Variants in UHRF2 observed in about 807,000 individuals in gnomAD.
UHRF2 encodes the protein E3 ubiquitin-protein ligase UHRF2.
Under a neutral mutation model 96.8 loss-of-function variants are expected in UHRF2, and 23 were observed. The ratio of observed to expected loss-of-function variants is 0.24; its 90% CI spans 0.17 to 0.34. The LOEUF (loss-of-function observed/expected upper bound fraction) is 0.34, where lower values mean the gene tolerates loss of function less well. Ranked by LOEUF, UHRF2 falls within the 10% of genes least tolerant of loss-of-function variation. The pLI is 1.00. For synonymous variants in UHRF2, 385 were observed against 332.6 expected (o/e 1.16, Z -1.72); for missense variants, 685 against 981.5 (o/e 0.70, Z 4.04).
rs776003127 is a variant in UHRF2 at position 6,413,447 on chromosome 9, C to T, written c.-44C>T. Reference sequence around the variant, plus strand: ...GCCGGGCGGGGCGCGGCGCCCAGAGCTCAGGGGGAGACAAAGGGGACCGGT... The same window carrying T: ...GCCGGGCGGGGCGCGGCGCCCAGAGTTCAGGGGGAGACAAAGGGGACCGGT... On this transcript the variant is annotated 5_prime_UTR_variant, in exon 1 of 16. Coordinates refer to ENST00000276893, the MANE Select transcript of UHRF2 (RefSeq NM_152896.3). The T allele has an allele frequency of 4.8e-6, 7 of 1,448,206 alleles. No homozygotes were observed. The highest frequency in any genetic ancestry group is 6.4e-6 in the Non-Finnish European group (7 of 1,086,460). The allele number at this position is 1,448,206 out of a possible 1,614,324, so 89.7% of individuals were successfully genotyped here.
intron 1 of UHRF2, among the ~76,000 whole-genome samples, chr9:6,417,061 TACAC>T (rs1298344830): frequency 6.6e-6 from 1 of 152,168 alleles, no homozygotes; most frequent in African/African-American, 2.4e-5. Flanking sequence ...ACATATATAA[TACAC>T]ACATATATAA....
chr9:6,421,168 G>A (rs1342442367), intron 2 of UHRF2, 26 bp downstream of exon 2: 2 of 1,497,404 alleles, frequency 1.3e-6, no homozygotes, highest in East Asian at 2.3e-5. Context: ...CAGACTTACT[G>A]TTGTGAGAAT....
intron 3 of UHRF2, among the ~76,000 whole-genome samples, chr9:6,448,489 T>TA (rs1821656722): frequency 6.6e-6 from 1 of 152,242 alleles, no homozygotes. Context: ...TCTCTGTTTT[T>TA]ATTACCGTCC....
At chr9:6,450,591 G>C (rs1027081403) in intron 3 of UHRF2, among the ~76,000 whole-genome samples, 1 of 152,102 alleles carries the variant, frequency 6.6e-6, no homozygotes, top group African/African-American at 2.4e-5. Flanking sequence ...CTCAAAATTT[G>C]TTACCAGCTT....
intron 3 of UHRF2, among the ~76,000 whole-genome samples, chr9:6,444,099 A>G (rs1821347731): frequency 1.3e-5 from 2 of 152,330 alleles, no homozygotes; most frequent in African/African-American, 2.4e-5. Flanking sequence ...AATAGTGTCA[A>G]ATGTAATTAT....
chr9:6,496,445 AT>A (rs1449640918), intron 10 of UHRF2: 1 of 152,168 alleles, frequency 6.6e-6, no homozygotes, highest in Non-Finnish European at 1.5e-5. Context: ...AAGCTCATTG[AT>A]TTACTACTAT....
chr9:6,494,133 T>G, intron 10 of UHRF2: 1 of 514,292 alleles, frequency 1.9e-6, no homozygotes, highest in East Asian at 3.1e-5. Context: ...TGCCATAATT[T>G]CTAGTCTTAC....
chr9:6,430,652 C>T (rs1175534533), intron 2 of UHRF2, among the ~76,000 whole-genome samples: 2 of 152,120 alleles, frequency 1.3e-5, no homozygotes, highest in African/African-American at 4.8e-5. Context: ...GCCCTGATCA[C>T]CCACAGCCAG....
chr9:6,444,197 G>A (rs1821354349), intron 3 of UHRF2, among the ~76,000 whole-genome samples: 1 of 152,172 alleles, frequency 6.6e-6, no homozygotes, highest in South Asian at 2.1e-4. Context: ...AGAATGAGTT[G>A]TTTAATTTCA....
chr9:6,417,111 A>C (rs1177503114), intron 1 of UHRF2, among the ~76,000 whole-genome samples: 2 of 152,214 alleles, frequency 1.3e-5, no homozygotes, highest in African/African-American at 2.4e-5. Flanking sequence ...TTTGCCCTTC[A>C]CTGGCATCCC....
At chr9:6,478,212 A>T (rs772378693) in intron 6 of UHRF2, among the ~76,000 whole-genome samples, 21 of 152,060 alleles carry the variant, frequency 1.4e-4, no homozygotes, top group Non-Finnish European at 2.8e-4. Context: ...ATATCTTTCA[A>T]CTCCTTAAGT....
chr9:6,430,182 G>A (rs1824537), intron 2 of UHRF2, among the ~76,000 whole-genome samples: 109,652 of 152,040 alleles, frequency 0.72, 41,256 homozygotes, highest in South Asian at 0.83. Context: ...GGCTAATTTT[G>A]TACTTTTAGT....
At chr9:6,476,046 C>A (rs1476957924) in intron 5 of UHRF2, among the ~76,000 whole-genome samples, 1 of 152,146 alleles carries the variant, frequency 6.6e-6, no homozygotes, top group Non-Finnish European at 1.5e-5. Context: ...ACTTCCCTTC[C>A]CAGACTCTGA....
At chr9:6,422,641 G>A in intron 2 of UHRF2, 1 of 646,388 alleles carries the variant, frequency 1.5e-6, no homozygotes, top group Non-Finnish European at 2.9e-6. Context: ...ACAGGGTCTG[G>A]CTCTGTCACC....
At chr9:6,476,881 C>G (rs1241683200) in intron 5 of UHRF2, among the ~76,000 whole-genome samples, 1 of 152,176 alleles carries the variant, frequency 6.6e-6, no homozygotes, top group Non-Finnish European at 1.5e-5. Context: ...GCATGAGCCA[C>G]CACGCCCGGC....
At chr9:6,497,917 A>T in intron 11 of UHRF2, 101 bp from the exon 12 acceptor site, 1 of 1,419,104 alleles carries the variant, frequency 7.0e-7, no homozygotes, top group Non-Finnish European at 9.6e-7. Context: ...GAATATTCAG[A>T]AGTTGCATTT....
At chr9:6,421,254 A>T (rs1819913119) in intron 2 of UHRF2, 112 bp downstream of exon 2, 1 of 808,700 alleles carries the variant, frequency 1.2e-6, no homozygotes, top group Non-Finnish European at 1.9e-6. Context: ...AAAGATTGGG[A>T]TGTTAATATC....
At position 6,477,659 on chromosome 9, in the gene UHRF2, C is replaced by T. The variant is rs751623894; in HGVS notation, c.1011C>T (p.Asp337=). 1.9e-6 allele frequency: 3 copies of T among 1,613,800 alleles called. No individual in the cohort carries two copies. The highest frequency in any genetic ancestry group is 2.2e-5 in the South Asian group (2 of 91,034). ...NDPECDLCGG[D]PEKKCHSCSC... is the part of the protein sequence containing the mutation. ...CTGAATGTGACCTGTGTGGTGGAGA[C>T]CCAGAAAAGAAATGTCATTCTTGCT... is the stretch of plus-strand genomic sequence containing the variant. The change falls in exon 6 of 16, where the codon GAC becomes GAT. Residue 337 remains aspartate, a synonymous_variant. Coordinates refer to ENST00000276893, the MANE Select transcript of UHRF2 (RefSeq NM_152896.3).
At chr9:6,468,657 G>T (rs1823027932) in intron 4 of UHRF2, 1 of 455,926 alleles carries the variant, frequency 2.2e-6, no homozygotes, top group Admixed American at 2.4e-5. Flanking sequence ...TTCACCTTTG[G>T]GCTTTGGTTG....
Sources: gnomAD v4.1 joint callset for allele counts (sites outside exome capture counted in the v4.1 genomes callset) on GRCh38, gnomAD v4.1.1 for gene constraint, MANE v1.5 for transcripts, NCBI Gene and HGNC (gene_info 2026-07-23, HGNC 2026-07-21) for gene names.